Variants in OPCML observed in about 807,000 individuals in gnomAD.
OPCML encodes opioid-binding protein/cell adhesion molecule.
OPCML carries 13 observed loss-of-function variants against 37.8 expected under a neutral mutation model. The ratio of observed to expected loss-of-function variants is 0.34; its 90% CI spans 0.22 to 0.55. OPCML has a LOEUF of 0.55. Ranked by LOEUF, OPCML falls within the 20% of genes least tolerant of loss-of-function variation. OPCML has a pLI of 0.91. For missense variants in OPCML, 341 were observed against 435.6 expected, an observed-to-expected ratio of 0.78 and a Z score of 1.93; for synonymous variants, 176 against 168.8, an observed-to-expected ratio of 1.04 and a Z score of -0.33.
At chr11:133,062,769 C>T (rs10894645) in intron 1 of OPCML, among the ~76,000 whole-genome samples, 52,245 of 152,156 alleles carry the variant, frequency 0.34, 9,674 homozygotes, top group South Asian at 0.43. Flanking sequence ...CTCAGCAACC[C>T]TGTCATTGAT....
At chr11:133,375,658 AC>A (rs1274506648) in intron 1 of OPCML, among the ~76,000 whole-genome samples, 16 of 152,024 alleles carry the variant, frequency 1.1e-4, no homozygotes, top group African/African-American at 3.9e-4. Context: ...CCTTGTACTT[AC>A]ACTTATCTGT....
At chr11:133,367,755 G>C (rs756893034) in intron 1 of OPCML, among the ~76,000 whole-genome samples, 2 of 152,114 alleles carry the variant, frequency 1.3e-5, no homozygotes, top group Admixed American at 6.5e-5. Flanking sequence ...TAGCTTGTAC[G>C]TTCTGGCCCT....
At chr11:132,501,506 G>C (rs1031875887) in intron 4 of OPCML, among the ~76,000 whole-genome samples, 13 of 152,170 alleles carry the variant, frequency 8.5e-5, no homozygotes, top group African/African-American at 3.1e-4. Flanking sequence ...AGTTGGTCTT[G>C]ATTTGCTGAA....
chr11:133,064,857 AC>A (rs1469623377), intron 1 of OPCML: 1 of 152,260 alleles, frequency 6.6e-6, no homozygotes, highest in Non-Finnish European at 1.5e-5. Flanking sequence ...ATTGAACAAT[AC>A]AAAGGTCCCT....
At chr11:133,163,740 C>T (rs565789944) in intron 1 of OPCML, among the ~76,000 whole-genome samples, 2 of 152,256 alleles carry the variant, frequency 1.3e-5, no homozygotes, top group South Asian at 2.1e-4. Flanking sequence ...TTTAGCAGTG[C>T]AAAGAGGTGT....
chr11:133,318,812 A>G (rs990673758), intron 1 of OPCML, among the ~76,000 whole-genome samples: 3 of 152,104 alleles, frequency 2.0e-5, no homozygotes, highest in South Asian at 2.1e-4. Context: ...CAAGGTGGGC[A>G]GATTACTTGA....
chr11:133,471,019 G>A (rs79218907), intron 1 of OPCML, among the ~76,000 whole-genome samples: 3,274 of 152,326 alleles, frequency 0.021, 83 homozygotes, highest in South Asian at 0.077. Flanking sequence ...GTTAGATGAC[G>A]TAGTGTGATA....
intron 1 of OPCML, among the ~76,000 whole-genome samples, chr11:133,470,375 T>C (rs1474470358): frequency 6.6e-6 from 1 of 152,194 alleles, no homozygotes; most frequent in African/African-American, 2.4e-5. Flanking sequence ...AATTATTTGC[T>C]TAATCTAGGG....
At chr11:132,835,761 T>C (rs1940967236) in intron 2 of OPCML, among the ~76,000 whole-genome samples, 1 of 152,212 alleles carries the variant, frequency 6.6e-6, no homozygotes, top group South Asian at 2.1e-4. Context: ...AAAGTCCAAG[T>C]GAACGGCGGT....
intron 3 of OPCML, among the ~76,000 whole-genome samples, chr11:132,650,804 A>G (rs910408893): frequency 1.3e-5 from 2 of 152,158 alleles, no homozygotes; most frequent in Admixed American, 6.5e-5. Context: ...CCACTCTTCT[A>G]TCCTGTCTTT....
intron 1 of OPCML, among the ~76,000 whole-genome samples, chr11:133,517,173 A>C (rs1245320613): frequency 1.3e-5 from 2 of 152,250 alleles, no homozygotes; most frequent in Non-Finnish European, 2.9e-5. Context: ...TGAGTGATAC[A>C]CGGATGTGAA....
intron 3 of OPCML, among the ~76,000 whole-genome samples, chr11:132,591,616 G>A (rs991292475): frequency 3.9e-5 from 6 of 152,178 alleles, no homozygotes; most frequent in African/African-American, 7.2e-5. Flanking sequence ...TTGAACAAGC[G>A]AGTTCATCTC....
At chr11:133,390,358 G>T (rs1426099188) in intron 1 of OPCML, among the ~76,000 whole-genome samples, 1 of 152,156 alleles carries the variant, frequency 6.6e-6, no homozygotes, top group African/African-American at 2.4e-5. Context: ...AGCTACTCGG[G>T]AGGCTGAGGC....
intron 1 of OPCML, among the ~76,000 whole-genome samples, chr11:133,314,905 G>GT (rs764699065): frequency 6.6e-6 from 1 of 152,184 alleles, no homozygotes; most frequent in Non-Finnish European, 1.5e-5. Flanking sequence ...GGCAATCAGC[G>GT]TAACAGATGA....
At chr11:133,517,539 C>A (rs963895627) in intron 1 of OPCML, among the ~76,000 whole-genome samples, 1 of 152,196 alleles carries the variant, frequency 6.6e-6, no homozygotes, top group South Asian at 2.1e-4. Flanking sequence ...CCATACTTAC[C>A]GCTAGGGCGG....
chr11:133,323,752 G>A (rs1056766693), intron 1 of OPCML, among the ~76,000 whole-genome samples: 1 of 152,084 alleles, frequency 6.6e-6, no homozygotes, highest in African/African-American at 2.4e-5. Flanking sequence ...ACAAAGGAGG[G>A]GACAAAATAA....
chr11:133,241,573 T>C (rs1425275163), intron 1 of OPCML, among the ~76,000 whole-genome samples: 1 of 152,228 alleles, frequency 6.6e-6, no homozygotes, highest in Non-Finnish European at 1.5e-5. Context: ...ACTGACAAAA[T>C]CTAAATTCCA....
intron 1 of OPCML, among the ~76,000 whole-genome samples, chr11:133,059,960 A>C (rs1285213019): frequency 6.6e-6 from 1 of 152,200 alleles, no homozygotes; most frequent in Non-Finnish European, 1.5e-5. Context: ...TATTATCTTT[A>C]CAGCTGTTGA....
Position 133,472,014 on chromosome 11 carries a change from C to T in OPCML, c.61+60250G>A, listed in dbSNP as rs183531904. On this transcript the variant is annotated intron_variant, in intron 1 of 7. Transcript: ENST00000524381. The stretch of plus-strand genomic sequence containing the variant: ...GCTGATCTTTCTATTGCACTTTGTG[C>T]TTTGACAGACCCCACCTATTGGCTG... 2.2e-3 allele frequency among the ~76,000 whole-genome samples: 340 copies of T among 152,270 alleles called. 2 individuals carry two copies. The highest frequency in any genetic ancestry group is 2.5e-3 in the Non-Finnish European group (173 of 68,020).
Sources: allele counts gnomAD v4.1 joint callset (sites outside exome capture counted in the v4.1 genomes callset), GRCh38; gene constraint gnomAD v4.1.1; transcripts MANE v1.5; gene names NCBI Gene and HGNC (gene_info 2026-07-23, HGNC 2026-07-21).